The following NUDT4 variants were observed in gnomAD, a reference collection of about 807,000 sequenced individuals.
The protein encoded by NUDT4 is nudix hydrolase 4, also known as diphosphoinositol polyphosphate phosphohydrolase 2.
In NUDT4, 5 loss-of-function variants were observed where a neutral mutation model predicts 23.1. The ratio of observed to expected loss-of-function variants is 0.22; its 90% CI spans 0.11 to 0.46. The LOEUF is 0.46. NUDT4 is among the 20% of genes least tolerant of loss of function. The pLI is 0.99. For synonymous variants in NUDT4, 50 were observed against 79.0 expected, an observed-to-expected ratio of 0.63 and a Z score of 1.95; for missense variants, 96 against 211.6, an observed-to-expected ratio of 0.45 and a Z score of 3.39.
At chr12:93,389,816 CT>C (rs531325528) in intron 1 of NUDT4, among the ~76,000 whole-genome samples, 45 of 151,700 alleles carry the variant, frequency 3.0e-4, no homozygotes, top group African/African-American at 9.7e-4. Context: ...GAGGGAATTG[CT>C]TGAACCAAGG....
In NUDT4 at chr12:93,404,155, C is replaced by CATA. The variant is rs1877662368; in HGVS notation, c.*4778_*4779insAAT. On this transcript the variant is annotated 3_prime_UTR_variant, in exon 5 of 5. Coordinates refer to ENST00000415493, the MANE Select transcript of NUDT4 (RefSeq NM_019094.6). ...TAGTGAAGTACTTTCATTTGGCCAT[C>CATA]ATTATTTATCAACCTTAAGAAACAT... is the stretch of plus-strand genomic sequence containing the variant. 1 of 152,130 alleles carries CATA rather than the reference C, an allele frequency of 6.6e-6. No homozygotes were observed. The highest frequency in any genetic ancestry group is 2.4e-5 in the African/African-American group (1 of 41,436). The allele number at this position is 152,130 out of a possible 1,614,324, so 9.4% of individuals were successfully genotyped here. A position where few individuals can be genotyped will look rare whatever the true frequency, so the allele number is the denominator to read the frequency against.
At chr12:93,392,684 T>TTCC (rs1555193956) in intron 1 of NUDT4, among the ~76,000 whole-genome samples, 1 of 101,530 alleles carries the variant, frequency 9.8e-6, no homozygotes, top group Non-Finnish European at 2.0e-5. Context: ...TTTTTTTTTT[T>TTCC]CCCCCGAGAT....
intron 1 of NUDT4, among the ~76,000 whole-genome samples, chr12:93,392,754 C>A (rs2120932218): frequency 8.2e-6 from 1 of 121,564 alleles, no homozygotes; most frequent in Non-Finnish European, 1.7e-5. Flanking sequence ...TCACTGCTCA[C>A]TGCAACCTCC....
chr12:93,396,192 C>A (rs1033903184), intron 3 of NUDT4, among the ~76,000 whole-genome samples: 2 of 151,266 alleles, frequency 1.3e-5, no homozygotes, highest in African/African-American at 4.9e-5. Flanking sequence ...TGTGTTTTAT[C>A]TGGAAATGTC....
intron 1 of NUDT4, among the ~76,000 whole-genome samples, chr12:93,392,853 AT>A (rs1876653155): frequency 7.8e-6 from 1 of 127,514 alleles, no homozygotes; most frequent in Admixed American, 8.4e-5. Flanking sequence ...TAATTTTTGT[AT>A]TTTTAGTAAA....
chr12:93,382,167 G>C (rs528437120), intron 1 of NUDT4, among the ~76,000 whole-genome samples: 1 of 151,854 alleles, frequency 6.6e-6, no homozygotes, highest in South Asian at 2.1e-4. Flanking sequence ...AGGAGGCTGA[G>C]GCATGAGAAT....
intron 3 of NUDT4, 140 bp from the exon 4 acceptor site, chr12:93,398,631 G>A (rs1214836939): frequency 3.3e-6 from 2 of 608,282 alleles, no homozygotes; most frequent in South Asian, 2.1e-5. Flanking sequence ...GTGTTGGACT[G>A]TACAACTGAA....
intron 1 of NUDT4, among the ~76,000 whole-genome samples, chr12:93,380,769 ACT>A (rs1232119285): frequency 2.0e-5 from 3 of 152,150 alleles, no homozygotes; most frequent in African/African-American, 4.8e-5. Flanking sequence ...ATTTGCCTTC[ACT>A]CTGTTGAAAT....
At chr12:93,396,965 C>T (rs927562230) in intron 3 of NUDT4, among the ~76,000 whole-genome samples, 1 of 152,124 alleles carries the variant, frequency 6.6e-6, no homozygotes, top group African/African-American at 2.4e-5. Flanking sequence ...CCTGGTTAAA[C>T]TGAAAAACAT....
At chr12:93,399,073 C>A in intron 4 of NUDT4, 104 bp from the exon 5 acceptor site, 11 of 819,518 alleles carry the variant, frequency 1.3e-5, no homozygotes, top group Non-Finnish European at 2.0e-5. Context: ...TATTCCCCAA[C>A]ATATTGTTGT....
chr12:93,387,012 C>T (rs1420696141), intron 1 of NUDT4, among the ~76,000 whole-genome samples: 1 of 152,124 alleles, frequency 6.6e-6, no homozygotes, highest in Non-Finnish European at 1.5e-5. Context: ...CAGCTCACTG[C>T]AAACCGCCTC....
intron 1 of NUDT4, among the ~76,000 whole-genome samples, chr12:93,386,090 C>T (rs1456268856): frequency 6.6e-6 from 1 of 151,534 alleles, no homozygotes; most frequent in Non-Finnish European, 1.5e-5. Flanking sequence ...ATTCTCCCAC[C>T]TCAGCCCCCC....
At position 93,402,825 on chromosome 12, in the gene NUDT4, C is replaced by T. The variant is rs1468288645; in HGVS notation, c.*3446C>T. ...TTATTATTGCAGTTCCATTTAAAAG[C>T]ATAACTGGCTAAGTCACCGCCCCAC... is the stretch of plus-strand genomic sequence containing the variant. On this transcript the variant is annotated 3_prime_UTR_variant, in exon 5 of 5. Coordinates refer to ENST00000415493, the MANE Select transcript of NUDT4 (RefSeq NM_019094.6). 1 of 148,648 alleles carries T rather than the reference C, an allele frequency of 6.7e-6. No homozygotes were observed. The highest frequency in any genetic ancestry group is 1.5e-5 in the Non-Finnish European group (1 of 67,552). 9.2% of individuals were successfully genotyped at this position (148,648 alleles called of 1,614,324 possible). A position where few individuals can be genotyped will look rare whatever the true frequency, so the allele number is the denominator to read the frequency against.
At chr12:93,395,844 C>T (rs1876894795) in intron 3 of NUDT4, among the ~76,000 whole-genome samples, 1 of 152,150 alleles carries the variant, frequency 6.6e-6, no homozygotes, top group Admixed American at 6.5e-5. Context: ...CCTCGTCCTC[C>T]CAAGTAGTTG....
Position 93,403,108 on chromosome 12 carries a change from T to G in NUDT4, c.*3729T>G, listed in dbSNP as rs1309269744. The G allele has an allele frequency of 6.6e-6, 1 of 151,508 alleles. No individual in the cohort carries two copies. The highest frequency in any genetic ancestry group is 1.9e-4 in the East Asian group (1 of 5,140). 9.4% of individuals were successfully genotyped at this position (151,508 alleles called of 1,614,324 possible). A position where few individuals can be genotyped will look rare whatever the true frequency, so the allele number is the denominator to read the frequency against. On this transcript the variant is annotated 3_prime_UTR_variant, in exon 5 of 5. Coordinates refer to ENST00000415493, the MANE Select transcript of NUDT4 (RefSeq NM_019094.6). Reference sequence around the variant, plus strand: ...GTCTCAAACTCCTAGGCTTAAGCAGTCCTCCAGCCTCAGCCTTCTCAAAGT... The same window carrying G: ...GTCTCAAACTCCTAGGCTTAAGCAGGCCTCCAGCCTCAGCCTTCTCAAAGT...
chr12:93,385,040 A>AT (rs1252550176), intron 1 of NUDT4: 1 of 152,238 alleles, frequency 6.6e-6, no homozygotes, highest in African/African-American at 2.4e-5. Context: ...AAGTGCTGGG[A>AT]TTACAGGCGT....
intron 2 of NUDT4, among the ~76,000 whole-genome samples, chr12:93,395,109 A>G (rs1876839975): frequency 6.6e-6 from 1 of 152,060 alleles, no homozygotes. Context: ...TCAGCCTCCC[A>G]AAGTGCTGGG....
chr12:93,378,516 G>T, intron 1 of NUDT4, 95 bp downstream of exon 1: 1 of 1,342,380 alleles, frequency 7.4e-7, no homozygotes, highest in Non-Finnish European at 9.7e-7. Context: ...AGGCTGCGGG[G>T]CTGGGAGGGA....
intron 1 of NUDT4, among the ~76,000 whole-genome samples, chr12:93,392,681 T>TC (rs1876635455): frequency 9.1e-6 from 1 of 109,620 alleles, no homozygotes; most frequent in Admixed American, 9.4e-5. Context: ...TTTTTTTTTT[T>TC]TTTCCCCCGA....
Sources: allele counts gnomAD v4.1 joint callset (sites outside exome capture counted in the v4.1 genomes callset), GRCh38; gene constraint gnomAD v4.1.1; transcripts MANE v1.5; gene names NCBI Gene and HGNC (gene_info 2026-07-23, HGNC 2026-07-21).